Variants in FLRT1 observed in about 807,000 individuals in gnomAD.
The protein encoded by FLRT1 is leucine-rich repeat transmembrane protein FLRT1.
A neutral mutation model predicts 30.9 loss-of-function variants in FLRT1; 14 were observed. The ratio of observed to expected loss-of-function variants is 0.45; its 90% CI spans 0.30 to 0.71. The LOEUF (loss-of-function observed/expected upper bound fraction) is 0.71, where lower values mean the gene tolerates loss of function less well. Ranked by LOEUF, FLRT1 falls within the 30% of genes least tolerant of loss-of-function variation. The probability of loss-of-function intolerance (pLI) is 0.08; values close to 1 mark genes in which losing one functional copy is unlikely to be tolerated. For synonymous variants in FLRT1, 368 were observed against 430.4 expected (o/e 0.85, Z 1.80); for missense variants, 737 against 949.2 (o/e 0.78, Z 2.94).
At chr11:64,047,983 G>C (rs1284816538) in intron 1 of FLRT1, among the ~76,000 whole-genome samples, 5 of 152,106 alleles carry the variant, frequency 3.3e-5, no homozygotes, top group African/African-American at 4.8e-5. Flanking sequence ...GTGGATAGGA[G>C]CTTTCCCAGT....
intron 1 of FLRT1, among the ~76,000 whole-genome samples, chr11:64,039,380 G>A (rs1044336821): frequency 1.3e-5 from 2 of 152,154 alleles, no homozygotes; most frequent in Non-Finnish European, 2.9e-5. Flanking sequence ...TGCTGCCCCC[G>A]GTGTACTGCC....
At chr11:64,075,835 G>A (rs1467150340) in intron 1 of FLRT1, among the ~76,000 whole-genome samples, 1 of 152,212 alleles carries the variant, frequency 6.6e-6, no homozygotes, top group African/African-American at 2.4e-5. Flanking sequence ...ACCATGCCCA[G>A]CTAATTTTGT....
chr11:64,080,179 ATTTTTGTAT>A (rs1386351953), intron 1 of FLRT1, among the ~76,000 whole-genome samples: 1 of 151,998 alleles, frequency 6.6e-6, no homozygotes, highest in Admixed American at 6.6e-5. Context: ...TGCCTGGCTA[ATTTTTGTAT>A]TTTTAGTAGA....
intron 1 of FLRT1, among the ~76,000 whole-genome samples, chr11:64,093,774 CAGTGTTCT>C (rs1590898057): frequency 6.6e-6 from 1 of 152,326 alleles, no homozygotes; most frequent in East Asian, 1.9e-4. Context: ...CAGAACAGAA[CAGTGTTCT>C]AGTCTGGCCT....
intron 1 of FLRT1, among the ~76,000 whole-genome samples, chr11:64,084,142 T>G (rs1013102880): frequency 3.3e-5 from 5 of 152,194 alleles, no homozygotes; most frequent in Admixed American, 2.6e-4. Context: ...TACCTGTACA[T>G]GAGTGCATGG....
intron 1 of FLRT1, among the ~76,000 whole-genome samples, chr11:64,061,278 G>A (rs538602895): frequency 1.3e-5 from 2 of 152,218 alleles, no homozygotes; most frequent in African/African-American, 4.8e-5. Context: ...CAGGGCAGAT[G>A]GATGCTCCGC....
chr11:64,051,314 G>A (rs1468853926), intron 1 of FLRT1, among the ~76,000 whole-genome samples: 1 of 152,224 alleles, frequency 6.6e-6, no homozygotes, highest in East Asian at 1.9e-4. Context: ...GCAGACACCT[G>A]CCTTGACGGC....
intron 1 of FLRT1, among the ~76,000 whole-genome samples, chr11:64,093,459 T>C (rs999827685): frequency 6.6e-6 from 1 of 152,248 alleles, no homozygotes; most frequent in Non-Finnish European, 1.5e-5. Context: ...GCCTGGCATC[T>C]CTGCCAGTGG....
At chr11:64,060,615 G>A (rs1943881087) in intron 1 of FLRT1, 1 of 152,220 alleles carries the variant, frequency 6.6e-6, no homozygotes, top group African/African-American at 2.4e-5. Flanking sequence ...ATTAGAACTG[G>A]TGAAACTGGG....
intron 2 of FLRT1, among the ~76,000 whole-genome samples, chr11:64,110,030 G>A (rs894578271): frequency 6.6e-6 from 1 of 152,052 alleles, no homozygotes. Flanking sequence ...ACTCAGGAGG[G>A]GGTACTCTGC....
intron 1 of FLRT1, among the ~76,000 whole-genome samples, chr11:64,072,027 T>C (rs1944117255): frequency 6.6e-6 from 1 of 152,184 alleles, no homozygotes; most frequent in Non-Finnish European, 1.5e-5. Context: ...ACAAACGCAC[T>C]ATTGACCGCC....
intron 1 of FLRT1, among the ~76,000 whole-genome samples, chr11:64,053,909 C>A (rs1262406631): frequency 6.6e-6 from 1 of 152,146 alleles, no homozygotes; most frequent in African/African-American, 2.4e-5. Flanking sequence ...CGTCATCCCC[C>A]CCACCACCTC....
chr11:64,101,884 C>G (rs1944677162), intron 1 of FLRT1, among the ~76,000 whole-genome samples: 3 of 152,276 alleles, frequency 2.0e-5, no homozygotes, highest in South Asian at 4.1e-4. Context: ...AAAACTCCCC[C>G]TGCCACCCTG....
chr11:64,099,978 TG>T (rs1415896907), intron 1 of FLRT1, among the ~76,000 whole-genome samples: 1 of 152,094 alleles, frequency 6.6e-6, no homozygotes, highest in Non-Finnish European at 1.5e-5. Context: ...GTGCAGTGTT[TG>T]GTGGATGGTC....
At position 64,118,408 on chromosome 11, in the gene FLRT1, T is replaced by C; in HGVS notation, c.*116T>C. 7.7e-7 allele frequency: 1 copy of C among 1,298,866 alleles called. No individual in the cohort carries two copies. Among genetic ancestry groups the C allele is most frequent in the East Asian group, 2.6e-5 (1 of 39,108 alleles). 80.5% of individuals were successfully genotyped at this position (1,298,866 alleles called of 1,614,324 possible). On this transcript the variant is annotated 3_prime_UTR_variant, in exon 3 of 3. Coordinates refer to ENST00000682287, the MANE Select transcript of FLRT1 (RefSeq NM_013280.5). ...AGGAAGAGAAATTCCATGGGTGACT[T>C]TCCTCCGCAGAAAGCAAAGTTTGGG...
chr11:64,110,096 T>A (rs1944833793), intron 2 of FLRT1, among the ~76,000 whole-genome samples: 1 of 152,150 alleles, frequency 6.6e-6, no homozygotes. Flanking sequence ...GCCCCTATTA[T>A]GACCACATTT....
At position 64,107,965 on chromosome 11, in the gene FLRT1, G is replaced by A. The variant is rs114938172; in HGVS notation, c.-50+3784G>A. Among the ~76,000 whole-genome samples the A allele has an allele frequency of 7.4e-3, 1,124 of 152,266 alleles. 14 individuals carry two copies. The highest frequency in any genetic ancestry group is 0.025 in the African/African-American group (1,057 of 41,538). On this transcript the variant is annotated intron_variant, in intron 2 of 2. Transcript: ENST00000682287. ...GTAATAGTTCCCTCATTCTGAATAC[G>A]ACTCTGCTAAACATTGAAAGTAACC... is the stretch of plus-strand genomic sequence containing the variant.
chr11:64,047,979 A>G (rs1943616763), intron 1 of FLRT1, among the ~76,000 whole-genome samples: 1 of 151,630 alleles, frequency 6.6e-6, no homozygotes. Flanking sequence ...GATGGTGGAT[A>G]GGAGCTTTCC....
intron 1 of FLRT1, among the ~76,000 whole-genome samples, chr11:64,074,437 C>T (rs1346361427): frequency 1.2e-4 from 18 of 152,186 alleles, no homozygotes; most frequent in Non-Finnish European, 1.5e-5. Flanking sequence ...CAGGATCCCA[C>T]GTGACCCTAG....
Sources: allele counts gnomAD v4.1 joint callset (sites outside exome capture counted in the v4.1 genomes callset), GRCh38; gene constraint gnomAD v4.1.1; transcripts MANE v1.5; gene names NCBI Gene and HGNC (gene_info 2026-07-23, HGNC 2026-07-21).